Variants in SLC37A2 observed in about 807,000 individuals in gnomAD.
SLC37A2 encodes the protein glucose-6-phosphate exchanger SLC37A2.
A neutral mutation model predicts 70.7 loss-of-function variants in SLC37A2; 59 were observed. The ratio of observed to expected loss-of-function variants is 0.83; its 90% confidence interval spans 0.68 to 1.04. The LOEUF (loss-of-function observed/expected upper bound fraction) is 1.04. Ranked by LOEUF, SLC37A2 falls within the 50% of genes least tolerant of loss-of-function variation. The pLI, the probability that SLC37A2 is intolerant of heterozygous loss-of-function variation, is 0.00. For missense variants in SLC37A2, 580 were observed against 658.1 expected (o/e 0.88, Z 1.30); for synonymous variants, 257 against 262.1 (o/e 0.98, Z 0.19).
At position 125,081,795 on chromosome 11, in the gene SLC37A2, G is replaced by T. The variant is rs1230757602; in HGVS notation, c.774G>T (p.Gly258=). ...AENQDNPEDP[G]NSPCSIRESG... ...ACCAGGACAACCCTGAGGACCCTGG[G>T]AACAGTCCCTGCTCTATCAGGGAGA... Residue 258 remains glycine, a synonymous_variant, in exon 9 of 18, where the codon GGG becomes GGT. Coordinates refer to ENST00000403796, the MANE Select transcript of SLC37A2 (RefSeq NM_001145290.2). 6.2e-7 allele frequency: 1 copy of T among 1,613,140 alleles called. No homozygotes were observed. The highest frequency in any genetic ancestry group is 8.5e-7 in the Non-Finnish European group (1 of 1,179,530).
chr11:125,081,579 T>G (rs1949150625), intron 8 of SLC37A2, 121 bp downstream of exon 8: 1 of 1,385,812 alleles, frequency 7.2e-7, no homozygotes. Flanking sequence ...ACCGACCCAG[T>G]GCTAGGCCCA....
Position 125,081,766 on chromosome 11 carries a change from G to A in SLC37A2, c.745G>A (p.Glu249Lys). ...CTCCTCTGCTCAGGGTGAGCCAGCT[G>A]AGAACCAGGACAACCCTGAGGACCC... is the stretch of plus-strand genomic sequence containing the variant. ...APPQHHGEPA[E>K]NQDNPEDPGN... Residue 249 changes from glutamate (E) to lysine (K), a missense_variant, in exon 9 of 18, where the codon GAG (glutamate) becomes AAG (lysine). Transcript: ENST00000403796. 2 of 1,601,042 alleles carry A rather than the reference G, an allele frequency of 1.2e-6. No homozygotes were observed. The highest frequency in any genetic ancestry group is 1.7e-6 in the Non-Finnish European group (2 of 1,173,882).
intron 17 of SLC37A2, 66 bp from the exon 18 acceptor site, chr11:125,088,053 C>T: frequency 6.5e-7 from 1 of 1,528,330 alleles, no homozygotes; most frequent in Non-Finnish European, 8.9e-7. Context: ...TTTCCTCTCC[C>T]TACTCAGCAG....
intron 4 of SLC37A2, among the ~76,000 whole-genome samples, chr11:125,078,623 A>G (rs1269910336): frequency 1.3e-5 from 2 of 152,154 alleles, no homozygotes; most frequent in Non-Finnish European, 2.9e-5. Flanking sequence ...AGATGAGGAT[A>G]GCAGGATGAT....
At chr11:125,077,182 C>T in intron 2 of SLC37A2, 48 bp from the exon 3 acceptor site, 2 of 1,444,860 alleles carry the variant, frequency 1.4e-6, no homozygotes, top group East Asian at 2.3e-5. Flanking sequence ...TGGTTGCTTG[C>T]TCCCCTCTGG....
At position 125,085,694 on chromosome 11, in the gene SLC37A2, C is replaced by T; in HGVS notation, c.1425+20C>T. 1 of 1,607,874 alleles carries T rather than the reference C, an allele frequency of 6.2e-7. No individual in the cohort carries two copies. Among genetic ancestry groups the T allele is most frequent in the South Asian group, 1.1e-5 (1 of 91,012 alleles). On this transcript the variant is annotated intron_variant, in intron 16 of 17. Coordinates refer to ENST00000403796, the MANE Select transcript of SLC37A2 (RefSeq NM_001145290.2). Reference sequence around the variant, plus strand: ...TGCTTGGTAAGAGTCTTGGGGTACACAGATAGGTATTGAGGGATGCTCTGT... The same window carrying T: ...TGCTTGGTAAGAGTCTTGGGGTACATAGATAGGTATTGAGGGATGCTCTGT...
At chr11:125,078,232 T>C (rs1949111637) in intron 4 of SLC37A2, among the ~76,000 whole-genome samples, 1 of 152,080 alleles carries the variant, frequency 6.6e-6, no homozygotes, top group African/African-American at 2.4e-5. Context: ...GGCAGGTGTA[T>C]GGAGGGAATG....
At chr11:125,075,583 G>A (rs1331472498) in intron 1 of SLC37A2, among the ~76,000 whole-genome samples, 2 of 152,234 alleles carry the variant, frequency 1.3e-5, no homozygotes, top group Non-Finnish European at 2.9e-5. Flanking sequence ...GGAGGGGCAG[G>A]AGCAACTTCA....
chr11:125,082,016 G>T, intron 9 of SLC37A2, 110 bp downstream of exon 9: 1 of 1,325,840 alleles, frequency 7.5e-7, no homozygotes, highest in Non-Finnish European at 1.0e-6. Flanking sequence ...TTCTTTATAG[G>T]GGAGGTGTAA....
chr11:125,076,921 C>A (rs12276292), intron 2 of SLC37A2, 83 bp downstream of exon 2: 368,626 of 1,341,006 alleles, frequency 0.27, 52,110 homozygotes, highest in African/African-American at 0.41. Flanking sequence ...ACCGAGGTTG[C>A]ACCTTCACCT....
intron 10 of SLC37A2, among the ~76,000 whole-genome samples, chr11:125,082,793 C>T (rs546701115): frequency 2.0e-5 from 3 of 152,132 alleles, no homozygotes; most frequent in Non-Finnish European, 4.4e-5. Flanking sequence ...GTCTTCTCCC[C>T]GTGGGACCTA....
At position 125,080,341 on chromosome 11, in the gene SLC37A2, C is replaced by T. The variant is rs1016376744; in HGVS notation, c.528-273C>T. On this transcript the variant is annotated intron_variant, in intron 6 of 17. Coordinates refer to ENST00000403796, the MANE Select transcript of SLC37A2 (RefSeq NM_001145290.2). This position sits in a 1 kb window ranked among gnomAD's most constrained non-coding sequence, Gnocchi z 4.3. ...TGGGACAGAAGAGAAGAACGAGGGC[C>T]GGGGCCCCCATGCCCTCAGTGTGGC... 3.9e-5 allele frequency among the ~76,000 whole-genome samples: 6 copies of T among 152,162 alleles called. No homozygotes were observed. Among genetic ancestry groups the T allele is most frequent in the East Asian group, 1.9e-4 (1 of 5,194 alleles).
At chr11:125,086,662 C>G in intron 17 of SLC37A2, 1 of 290,672 alleles carries the variant, frequency 3.4e-6, no homozygotes, top group Non-Finnish European at 6.7e-6. Context: ...AAATGTGAAT[C>G]AAGCATGGGT....
intron 1 of SLC37A2, among the ~76,000 whole-genome samples, chr11:125,069,677 C>T (rs1949011223): frequency 6.6e-6 from 1 of 152,230 alleles, no homozygotes; most frequent in Admixed American, 6.5e-5. Context: ...TCCCCTGTCT[C>T]TGAAGTAGTA....
chr11:125,068,798 T>C (rs1395058415), intron 1 of SLC37A2, among the ~76,000 whole-genome samples: 2 of 152,354 alleles, frequency 1.3e-5, no homozygotes, highest in Admixed American at 1.3e-4. Context: ...ACCTTTCTTG[T>C]GCTAAACAAA....
At chr11:125,070,375 T>C (rs1183682624) in intron 1 of SLC37A2, among the ~76,000 whole-genome samples, 3 of 152,154 alleles carry the variant, frequency 2.0e-5, no homozygotes, top group Admixed American at 1.3e-4. Flanking sequence ...TGCCAGACAC[T>C]TCCACATCCA....
intron 3 of SLC37A2, 28 bp downstream of exon 3, chr11:125,077,351 A>C (rs755393783): frequency 2.3e-5 from 36 of 1,590,972 alleles, no homozygotes; most frequent in South Asian, 1.5e-4. Context: ...TGCTCTTCCC[A>C]TTCCCCATTC....
intron 8 of SLC37A2, 122 bp downstream of exon 8, chr11:125,081,580 G>A (rs1949150670): frequency 3.6e-6 from 5 of 1,395,104 alleles, no homozygotes; most frequent in Non-Finnish European, 4.9e-6. Context: ...CCGACCCAGT[G>A]CTAGGCCCAT....
At chr11:125,068,768 G>C (rs1274881552) in intron 1 of SLC37A2, among the ~76,000 whole-genome samples, 1 of 152,184 alleles carries the variant, frequency 6.6e-6, no homozygotes, top group African/African-American at 2.4e-5. Context: ...TATTATTACA[G>C]ATACATATTA....
Sources: gnomAD v4.1 joint callset for allele counts (sites outside exome capture counted in the v4.1 genomes callset) on GRCh38, gnomAD v4.1.1 for gene constraint, Gnocchi (gnomAD v3.1) non-coding constraint, MANE v1.5 for transcripts, NCBI Gene and HGNC (gene_info 2026-07-23, HGNC 2026-07-21) for gene names.